Variants in GABRA3 observed in about 807,000 individuals in gnomAD.
GABRA3 encodes gamma-aminobutyric acid type A receptor subunit alpha3.
Under a neutral mutation model 30.1 loss-of-function variants are expected in GABRA3, and 10 were observed. The observed-to-expected ratio is 0.33, with a 90% CI of 0.20 to 0.56. The LOEUF (loss-of-function observed/expected upper bound fraction) is 0.56. Ranked by LOEUF, GABRA3 falls within the 20% of genes least tolerant of loss-of-function variation. The pLI is 0.89. For missense variants in GABRA3, 233 were observed against 392.0 expected (o/e 0.59, Z 3.42); for synonymous variants, 151 against 146.8 (o/e 1.03, Z -0.21).
intron 5 of GABRA3, among the ~76,000 whole-genome samples, chrX:152,234,603 G>A (rs1938159672): frequency 9.0e-6 from 1 of 111,438 alleles, no homozygotes; most frequent in Non-Finnish European, 1.9e-5. Flanking sequence ...AATAGTTTCA[G>A]ATCTTACATT....
intron 1 of GABRA3, among the ~76,000 whole-genome samples, chrX:152,441,027 A>G (rs1173897607): frequency 2.8e-5 from 3 of 107,298 alleles, no homozygotes; most frequent in Admixed American, 9.9e-5. Flanking sequence ...AAAAAAAAAG[A>G]AAAGAAAAAG....
At chrX:152,303,508 G>A (rs1372936239) in intron 3 of GABRA3, among the ~76,000 whole-genome samples, 1 of 111,587 alleles carries the variant, frequency 9.0e-6, no homozygotes, top group Admixed American at 9.5e-5. Flanking sequence ...AAAGACACAT[G>A]CACACAGATG....
At position 152,410,663 on chromosome X, in the gene GABRA3, C is replaced by T. The variant is rs946746198; in HGVS notation, c.-27+40483G>A. On this transcript the variant is annotated intron_variant, in intron 1 of 9. Transcript: ENST00000370314. ...TGTTTATAAAAAATCATTAAACAAA[C>T]AAACTCACAAAAAAGCAATAGTAAC... 5.4e-5 allele frequency among the ~76,000 whole-genome samples: 6 copies of T among 110,603 alleles called. No individual in the cohort carries two copies. The Admixed American group carries it at 5.7e-4, about 11-fold the overall frequency.
chrX:152,294,420 G>A lies in GABRA3; in HGVS notation c.263-9685C>T, dbSNP rs186939914. Among the ~76,000 whole-genome samples, 604 of 110,821 alleles carry A rather than the reference G, an allele frequency of 5.5e-3. 1 individual carries two copies. Among genetic ancestry groups the A allele is most frequent in the Non-Finnish European group, 9.2e-3 (489 of 52,986 alleles). ...CCCTTTCTTCCACTTGATCGAATTG[G>A]CTACTGAAGCTTGTGCATGCGTCAC... is the stretch of plus-strand genomic sequence containing the variant. On this transcript the variant is annotated intron_variant, in intron 3 of 9. Coordinates refer to ENST00000370314, the MANE Select transcript of GABRA3 (RefSeq NM_000808.4).
chrX:152,446,599 T>C (rs776868527), intron 1 of GABRA3, among the ~76,000 whole-genome samples: 1 of 110,219 alleles, frequency 9.1e-6, no homozygotes, highest in South Asian at 4.0e-4. Context: ...CCTGAATCTC[T>C]TTTATTCTAT....
rs183776576 is a variant in GABRA3 at position 152,431,766 on chromosome X, T to C, written c.-27+19380A>G. The stretch of plus-strand genomic sequence containing the variant: ...AAGTCAGTGTCAGAGTGATACGATG[T>C]GAAAACGACTTGCCTGGTCATTGCT... On this transcript the variant is annotated intron_variant, in intron 1 of 9. Coordinates refer to ENST00000370314, the MANE Select transcript of GABRA3 (RefSeq NM_000808.4). Among the ~76,000 whole-genome samples the C allele has an allele frequency of 2.6e-4, 29 of 111,332 alleles. No homozygotes were observed. In the East Asian group the frequency reaches 7.4e-3, roughly 28 times the overall value.
At chrX:152,225,432 G>GCGCACACACACA (rs35196156) in intron 5 of GABRA3, among the ~76,000 whole-genome samples, 37 of 96,518 alleles carry the variant, frequency 3.8e-4, no homozygotes, top group African/African-American at 9.1e-4. Context: ...ACACACACAC[G>GCGCACACACACA]CACACACACA....
At chrX:152,399,046 T>C (rs184649203) in intron 1 of GABRA3, among the ~76,000 whole-genome samples, 28 of 111,073 alleles carry the variant, frequency 2.5e-4, no homozygotes, top group Non-Finnish European at 4.3e-4. Context: ...GATAATCTAG[T>C]TCCCAAGAGG....
intron 1 of GABRA3, among the ~76,000 whole-genome samples, chrX:152,424,483 T>C (rs748180784): frequency 1.3e-4 from 15 of 111,763 alleles, no homozygotes; most frequent in Non-Finnish European, 2.1e-4. Flanking sequence ...TAATCCATCC[T>C]ACACAGTAGC....
chrX:152,193,950 T>C (rs1028285787), intron 8 of GABRA3, among the ~76,000 whole-genome samples: 5 of 111,678 alleles, frequency 4.5e-5, no homozygotes, highest in African/African-American at 9.8e-5. Context: ...TGAGCCGAGA[T>C]AGCACCACTG....
intron 4 of GABRA3, among the ~76,000 whole-genome samples, chrX:152,280,143 A>C (rs1939172768): frequency 9.0e-6 from 1 of 111,208 alleles, no homozygotes; most frequent in African/African-American, 3.3e-5. Flanking sequence ...AACTTCCAAC[A>C]CTATGTTGAA....
intron 5 of GABRA3, among the ~76,000 whole-genome samples, chrX:152,236,720 T>A (rs1603220789): frequency 9.6e-6 from 1 of 104,353 alleles, no homozygotes; most frequent in East Asian, 3.0e-4. Context: ...CATTGTGGTT[T>A]TGATTTGCAT....
chrX:152,298,875 C>G (rs989044252), intron 3 of GABRA3, among the ~76,000 whole-genome samples: 7 of 112,064 alleles, frequency 6.2e-5, no homozygotes, highest in African/African-American at 2.3e-4. Context: ...TCCACATCCT[C>G]TCCAGCACCT....
intron 3 of GABRA3, among the ~76,000 whole-genome samples, chrX:152,316,437 G>C (rs990573450): frequency 2.7e-5 from 3 of 111,613 alleles, no homozygotes; most frequent in Non-Finnish European, 5.6e-5. Flanking sequence ...AGCATATTTG[G>C]GGGAATAATC....
At chrX:152,450,791 C>A (rs187125492) in intron 1 of GABRA3, among the ~76,000 whole-genome samples, 3 of 112,622 alleles carry the variant, frequency 2.7e-5, no homozygotes, top group African/African-American at 9.7e-5. Context: ...TGGCTAGGGG[C>A]CACTCCGTGG....
At chrX:152,233,498 T>C (rs939153214) in intron 5 of GABRA3, among the ~76,000 whole-genome samples, 3 of 109,518 alleles carry the variant, frequency 2.7e-5, no homozygotes, top group Admixed American at 9.8e-5. Context: ...CACAATGAGA[T>C]ACCATCTCAC....
At chrX:152,190,505 T>C (rs891607575) in intron 8 of GABRA3, among the ~76,000 whole-genome samples, 1 of 109,031 alleles carries the variant, frequency 9.2e-6, no homozygotes, top group African/African-American at 3.4e-5. Context: ...CCCTAACCTA[T>C]TTTTTTTTCT....
chrX:152,266,084 C>G (rs1483822084), intron 4 of GABRA3, among the ~76,000 whole-genome samples: 1 of 111,412 alleles, frequency 9.0e-6, no homozygotes, highest in Non-Finnish European at 1.9e-5. Context: ...CAATCCTACT[C>G]AAACTATTTC....
intron 3 of GABRA3, among the ~76,000 whole-genome samples, chrX:152,293,496 C>T (rs1226220289): frequency 9.0e-6 from 1 of 111,135 alleles, no homozygotes; most frequent in Non-Finnish European, 1.9e-5. Context: ...AGTGATGGGT[C>T]TTGACTCTCT....
Sources: gnomAD v4.1 joint callset for allele counts (sites outside exome capture counted in the v4.1 genomes callset) on GRCh38, gnomAD v4.1.1 for gene constraint, MANE v1.5 for transcripts, NCBI Gene and HGNC (gene_info 2026-07-23, HGNC 2026-07-21) for gene names.